The following CELF4 variants were observed in gnomAD, a reference collection of about 807,000 sequenced individuals.
CELF4 encodes the protein CUGBP Elav-like family member 4, also known as CUG-BP- and ETR-3-like factor 4.
Under a neutral mutation model 59.9 loss-of-function variants are expected in CELF4, and 18 were observed. The ratio of observed to expected loss-of-function variants is 0.30; its 90% CI spans 0.21 to 0.45. CELF4 has a LOEUF of 0.45. Ranked by LOEUF, CELF4 falls within the 20% of genes least tolerant of loss-of-function variation. The probability of loss-of-function intolerance (pLI) is 1.00; values close to 1 mark genes in which losing one functional copy is unlikely to be tolerated. For synonymous variants in CELF4, 261 were observed against 267.1 expected, an observed-to-expected ratio of 0.98 and a Z score of 0.22; for missense variants, 456 against 689.0, an observed-to-expected ratio of 0.66 and a Z score of 3.79.
In CELF4 at chr18:37,254,018, A is replaced by T; in HGVS notation, c.1334-80T>A. ...TGCCGGCGGGGAGGGGTCGGGGGAC[A>T]GGGGGGCGGGGCGGGCCTGAGGCTC... On this transcript the variant is annotated intron_variant, in intron 11 of 12. Coordinates refer to ENST00000420428, the MANE Select transcript of CELF4 (RefSeq NM_020180.4). The surrounding 1 kb of genome is among the most constrained non-coding windows in gnomAD (Gnocchi z 5.1). The T allele has an allele frequency of 4.7e-4, 34 of 72,620 alleles. No individual in the cohort carries two copies. The highest frequency in any genetic ancestry group is 7.8e-4 in the East Asian group (2 of 2,566). 4.5% of individuals were successfully genotyped at this position (72,620 alleles called of 1,614,324 possible).
At chr18:37,367,892 C>A (rs970982874) in intron 2 of CELF4, among the ~76,000 whole-genome samples, 1 of 152,072 alleles carries the variant, frequency 6.6e-6, no homozygotes, top group African/African-American at 2.4e-5. Flanking sequence ...TTCCTTTGTG[C>A]GATTCCAGTT....
intron 6 of CELF4, chr18:37,273,497 C>T (rs1351680397): frequency 3.8e-6 from 4 of 1,043,672 alleles, no homozygotes; most frequent in Non-Finnish European, 4.6e-6. Context: ...ATCCAAAGCA[C>T]TAGAGACATG....
intron 3 of CELF4, among the ~76,000 whole-genome samples, chr18:37,318,228 C>G (rs901552076): frequency 6.6e-6 from 1 of 151,964 alleles, no homozygotes; most frequent in Non-Finnish European, 1.5e-5. Flanking sequence ...GCTCCCCTCG[C>G]ACCACTGTGC....
intron 1 of CELF4, among the ~76,000 whole-genome samples, chr18:37,496,536 T>C (rs1157694738): frequency 6.6e-6 from 1 of 152,158 alleles, no homozygotes; most frequent in African/African-American, 2.4e-5. Flanking sequence ...CAATAAATTT[T>C]TTTTAAAAAA....
At chr18:37,391,471 C>T (rs1171485487) in intron 2 of CELF4, among the ~76,000 whole-genome samples, 4 of 152,220 alleles carry the variant, frequency 2.6e-5, no homozygotes, top group African/African-American at 9.6e-5. Context: ...TAGCACTTGC[C>T]AAGGTCCCAT....
intron 1 of CELF4, among the ~76,000 whole-genome samples, chr18:37,531,763 T>G (rs1446641133): frequency 2.0e-5 from 3 of 152,090 alleles, no homozygotes; most frequent in Non-Finnish European, 4.4e-5. Context: ...GTTTTCAGGA[T>G]GTAGGATGCA....
chr18:37,380,221 C>T (rs1185231169), intron 2 of CELF4, among the ~76,000 whole-genome samples: 6 of 152,300 alleles, frequency 3.9e-5, no homozygotes, highest in Middle Eastern at 3.4e-3. Flanking sequence ...TGCCATCCCT[C>T]CCACTTCTTG....
intron 1 of CELF4, among the ~76,000 whole-genome samples, chr18:37,534,726 G>A (rs187701849): frequency 4.1e-4 from 62 of 152,294 alleles, no homozygotes; most frequent in African/African-American, 8.2e-4. Context: ...TACATCCCCA[G>A]GGCCAGAGGG....
At chr18:37,382,937 A>G (rs1245920268) in intron 2 of CELF4, among the ~76,000 whole-genome samples, 2 of 152,126 alleles carry the variant, frequency 1.3e-5, no homozygotes, top group Non-Finnish European at 2.9e-5. Flanking sequence ...TGGCCTGGTC[A>G]TTCCAGTTCC....
chr18:37,340,952 C>T lies in CELF4; in HGVS notation c.370-19071G>A, dbSNP rs1375790765. Among the ~76,000 whole-genome samples, 62 of 152,228 alleles carry T rather than the reference C, an allele frequency of 4.1e-4. 1 individual carries two copies. The highest frequency in any genetic ancestry group is 4.1e-3 in the Admixed American group (62 of 15,284). ...AAGCTAACGTCTGAGCCACTTGTAGCTTCCACTGTTCAGTCCCCAGCCATT... is the reference window on the plus strand; with the variant it reads ...AAGCTAACGTCTGAGCCACTTGTAGTTTCCACTGTTCAGTCCCCAGCCATT... On this transcript the variant is annotated intron_variant, in intron 2 of 12. Coordinates refer to ENST00000420428, the MANE Select transcript of CELF4 (RefSeq NM_020180.4).
intron 2 of CELF4, among the ~76,000 whole-genome samples, chr18:37,424,325 G>A (rs183030321): frequency 2.0e-5 from 3 of 152,214 alleles, no homozygotes; most frequent in East Asian, 3.9e-4. Context: ...ACGGGAGGCT[G>A]GGGGCAGAGG....
At chr18:37,332,200 G>A (rs916692695) in intron 2 of CELF4, among the ~76,000 whole-genome samples, 4 of 152,106 alleles carry the variant, frequency 2.6e-5, no homozygotes, top group African/African-American at 7.2e-5. Context: ...AATTTCCCCA[G>A]GTTGCCTTTT....
chr18:37,313,356 T>A (rs1050390253), intron 3 of CELF4, among the ~76,000 whole-genome samples: 1 of 152,194 alleles, frequency 6.6e-6, no homozygotes, highest in Non-Finnish European at 1.5e-5. Context: ...TCTGAGAAGT[T>A]TCTGTGCACC....
intron 2 of CELF4, among the ~76,000 whole-genome samples, chr18:37,459,700 C>G (rs969521484): frequency 2.6e-5 from 4 of 152,168 alleles, no homozygotes; most frequent in Non-Finnish European, 5.9e-5. Flanking sequence ...TTCAGCAGCT[C>G]TGTCTTGCAG....
chr18:37,425,643 C>T (rs1489272922), intron 2 of CELF4, among the ~76,000 whole-genome samples: 1 of 152,216 alleles, frequency 6.6e-6, no homozygotes, highest in Non-Finnish European at 1.5e-5. Context: ...ACTCGTCCAC[C>T]AGGGAGAAAG....
chr18:37,284,152 G>C (rs994538864), intron 3 of CELF4, among the ~76,000 whole-genome samples: 16 of 147,400 alleles, frequency 1.1e-4, no homozygotes, highest in Admixed American at 1.3e-4. Context: ...TACACACACA[G>C]ATACACACAC....
chr18:37,543,194 C>A (rs549580402), intron 1 of CELF4, among the ~76,000 whole-genome samples: 1 of 152,194 alleles, frequency 6.6e-6, no homozygotes, highest in Non-Finnish European at 1.5e-5. Flanking sequence ...GGCTGTGAAA[C>A]AGGAAGCGTT....
chr18:37,406,944 C>T (rs147012708), intron 2 of CELF4, among the ~76,000 whole-genome samples: 2 of 152,226 alleles, frequency 1.3e-5, no homozygotes, highest in East Asian at 1.9e-4. Flanking sequence ...CAAAATGGAA[C>T]GTCTGGGAGA....
At chr18:37,340,973 C>A (rs774300133) in intron 2 of CELF4, among the ~76,000 whole-genome samples, 7 of 152,190 alleles carry the variant, frequency 4.6e-5, no homozygotes, top group Non-Finnish European at 7.3e-5. Context: ...CAGTCCCCAG[C>A]CATTCATACA....
Sources: gnomAD v4.1 joint callset for allele counts (sites outside exome capture counted in the v4.1 genomes callset) on GRCh38, gnomAD v4.1.1 for gene constraint, Gnocchi (gnomAD v3.1) non-coding constraint, MANE v1.5 for transcripts, NCBI Gene and HGNC (gene_info 2026-07-23, HGNC 2026-07-21) for gene names.